Variants in SNTG2 observed in about 807,000 individuals in gnomAD.
The protein encoded by SNTG2 is syntrophin gamma 2.
SNTG2 carries 74 observed loss-of-function variants against 70.9 expected under a neutral mutation model. The ratio of observed to expected loss-of-function variants is 1.04; its 90% CI spans 0.86 to 1.27. The LOEUF (loss-of-function observed/expected upper bound fraction) is 1.27, where lower values mean the gene tolerates loss of function less well. SNTG2 is among the 50% of genes most tolerant of loss of function. The pLI is 0.00. For synonymous variants in SNTG2, 278 were observed against 273.8 expected, an observed-to-expected ratio of 1.02 and a Z score of -0.15; for missense variants, 717 against 690.7, an observed-to-expected ratio of 1.04 and a Z score of -0.43.
intron 6 of SNTG2, among the ~76,000 whole-genome samples, chr2:1,151,482 C>T (rs28589622): frequency 0.073 from 11,107 of 152,230 alleles, 888 homozygotes; most frequent in African/African-American, 0.2. Context: ...TTTCCAAACC[C>T]AGCCTCGCTC....
intron 1 of SNTG2, among the ~76,000 whole-genome samples, chr2:1,058,082 C>T (rs1475324158): frequency 1.3e-5 from 2 of 152,076 alleles, no homozygotes; most frequent in Non-Finnish European, 2.9e-5. Context: ...ATATAAATAA[C>T]TTATATTTGT....
At chr2:1,214,787 A>C (rs187126628) in intron 9 of SNTG2, among the ~76,000 whole-genome samples, 1 of 152,266 alleles carries the variant, frequency 6.6e-6, no homozygotes, top group East Asian at 1.9e-4. Context: ...AGATGTGGTG[A>C]GAGTGCACAT....
intron 12 of SNTG2, among the ~76,000 whole-genome samples, chr2:1,251,701 C>T (rs1272803704): frequency 6.7e-6 from 1 of 148,174 alleles, no homozygotes; most frequent in South Asian, 2.2e-4. Context: ...ACACCATGCA[C>T]ACCACACACA....
At chr2:1,150,541 CAG>C (rs1572572170) in intron 6 of SNTG2, among the ~76,000 whole-genome samples, 1 of 151,966 alleles carries the variant, frequency 6.6e-6, no homozygotes, top group Non-Finnish European at 1.5e-5. Flanking sequence ...GCCAGGAGGA[CAG>C]AGCAGGATGG....
At chr2:964,256 G>C (rs1334741873) in intron 1 of SNTG2, among the ~76,000 whole-genome samples, 1 of 152,164 alleles carries the variant, frequency 6.6e-6, no homozygotes, top group African/African-American at 2.4e-5. Context: ...TTATAGTTGT[G>C]TGGAAAGTTT....
intron 9 of SNTG2, among the ~76,000 whole-genome samples, chr2:1,215,538 ATTCTTTTTT>A (rs574518594): frequency 4.6e-4 from 59 of 128,048 alleles, no homozygotes; most frequent in South Asian, 2.0e-3. Flanking sequence ...TTTTACACTA[ATTCTTTTTT>A]TTCTTTTTTT....
rs566182105 is a variant in SNTG2 at position 1,322,322 on chromosome 2, G to C, written c.1488+5947G>C. Reference sequence around the variant, plus strand: ...CAGAGGCAACCCTGGAGTGTCAGCAGCTAACTCCCCCAAAGCCAGAGACAC... The same window carrying C: ...CAGAGGCAACCCTGGAGTGTCAGCACCTAACTCCCCCAAAGCCAGAGACAC... On this transcript the variant is annotated intron_variant, in intron 16 of 16. Coordinates refer to ENST00000308624, the MANE Select transcript of SNTG2 (RefSeq NM_018968.4). 2.6e-4 allele frequency among the ~76,000 whole-genome samples: 40 copies of C among 152,242 alleles called. 2 individuals carry two copies. The South Asian group carries it at 7.9e-3, about 30-fold the overall frequency.
At chr2:1,158,677 G>A (rs577118661) in intron 6 of SNTG2, among the ~76,000 whole-genome samples, 1 of 152,198 alleles carries the variant, frequency 6.6e-6, no homozygotes, top group Non-Finnish European at 1.5e-5. Flanking sequence ...GGGTGTGAGA[G>A]AATTAAAGGT....
chr2:967,099 G>A (rs1047533459), intron 1 of SNTG2, among the ~76,000 whole-genome samples: 14 of 152,302 alleles, frequency 9.2e-5, no homozygotes, highest in African/African-American at 3.4e-4. Context: ...ATTGTCACTA[G>A]TCAAAAATAT....
At chr2:1,075,048 G>A (rs1255464195) in intron 1 of SNTG2, among the ~76,000 whole-genome samples, 4 of 152,114 alleles carry the variant, frequency 2.6e-5, no homozygotes, top group African/African-American at 9.7e-5. Context: ...ATACAGAATG[G>A]ACCATAGAGA....
chr2:1,058,046 AG>A (rs1342978382), intron 1 of SNTG2, among the ~76,000 whole-genome samples: 3 of 152,112 alleles, frequency 2.0e-5, no homozygotes, highest in Non-Finnish European at 2.9e-5. Context: ...AAAAATAAAA[AG>A]CTTTAAAAAA....
At chr2:1,293,360 T>G (rs1003953917) in intron 14 of SNTG2, among the ~76,000 whole-genome samples, 5 of 152,110 alleles carry the variant, frequency 3.3e-5, no homozygotes, top group African/African-American at 1.2e-4. Context: ...TTTAAAAATT[T>G]CTTCTTTAAT....
At chr2:1,308,367 C>T (rs1441321508) in intron 14 of SNTG2, 127 bp from the exon 15 acceptor site, 3 of 792,612 alleles carry the variant, frequency 3.8e-6, no homozygotes, top group African/African-American at 1.7e-5. Flanking sequence ...CTGTTTTGTT[C>T]CCCGTAACTT....
chr2:1,180,481 T>G (rs973205992), intron 8 of SNTG2, among the ~76,000 whole-genome samples: 1 of 135,342 alleles, frequency 7.4e-6, no homozygotes, highest in African/African-American at 2.6e-5. Context: ...TCATCATCAC[T>G]GGCCATCAGA....
chr2:1,211,675 A>G (rs1470214559), intron 9 of SNTG2, among the ~76,000 whole-genome samples: 1 of 152,072 alleles, frequency 6.6e-6, no homozygotes, highest in Non-Finnish European at 1.5e-5. Context: ...CCTTTATAAA[A>G]CCATCAGATC....
intron 9 of SNTG2, among the ~76,000 whole-genome samples, chr2:1,216,199 C>T (rs1404675418): frequency 6.6e-6 from 1 of 152,184 alleles, no homozygotes; most frequent in African/African-American, 2.4e-5. Context: ...TATTTCTCCA[C>T]ATCCTCTCCA....
rs115311803 is a variant in SNTG2 at position 1,119,206 on chromosome 2, G to A, written c.326-18416G>A. Among the ~76,000 whole-genome samples the A allele has an allele frequency of 5.6e-3, 846 of 151,960 alleles. 9 individuals carry two copies. The highest frequency in any genetic ancestry group is 0.019 in the African/African-American group (801 of 41,332). On this transcript the variant is annotated intron_variant, in intron 4 of 16. Transcript: ENST00000308624. ...TGCCCTTCAGAAATGGAGAAAGTAA[G>A]TCTTTCCTAGATAAAAAAAAGAAAA...
intron 1 of SNTG2, among the ~76,000 whole-genome samples, chr2:981,588 C>T (rs1661097838): frequency 6.6e-6 from 1 of 152,030 alleles, no homozygotes; most frequent in South Asian, 2.1e-4. Context: ...TATTCAAGGA[C>T]ATGCCTGTGC....
intron 16 of SNTG2, among the ~76,000 whole-genome samples, chr2:1,324,197 A>G (rs1198452078): frequency 6.6e-6 from 1 of 152,166 alleles, no homozygotes; most frequent in African/African-American, 2.4e-5. Context: ...ACTCCCCAGT[A>G]TGGCTGAGTT....
Sources: gnomAD v4.1 joint callset for allele counts (sites outside exome capture counted in the v4.1 genomes callset) on GRCh38, gnomAD v4.1.1 for gene constraint, MANE v1.5 for transcripts, NCBI Gene and HGNC (gene_info 2026-07-23, HGNC 2026-07-21) for gene names.